Variants in CDC14B observed in about 807,000 individuals in gnomAD.
The protein encoded by CDC14B is dual specificity protein phosphatase CDC14B.
CDC14B carries 22 observed loss-of-function variants against 64.2 expected under a neutral mutation model. The ratio of observed to expected loss-of-function variants is 0.34; its 90% CI spans 0.24 to 0.49. The LOEUF is 0.49. Among genes scored for constraint, CDC14B ranks in the 20% least tolerant of loss-of-function variants. The pLI, the probability that CDC14B is intolerant of heterozygous loss-of-function variation, is 0.99. For missense variants in CDC14B, 498 were observed against 629.9 expected (o/e 0.79, Z 2.24); for synonymous variants, 191 against 215.8 (o/e 0.89, Z 1.01).
intron 1 of CDC14B, among the ~76,000 whole-genome samples, chr9:96,594,940 C>T (rs956423923): frequency 2.6e-5 from 4 of 152,036 alleles, no homozygotes; most frequent in Non-Finnish European, 5.9e-5. Flanking sequence ...ATCACGAGGT[C>T]AAGAGACAGA....
chr9:96,510,567 G>A (rs1281565692), intron 12 of CDC14B, among the ~76,000 whole-genome samples: 1 of 151,622 alleles, frequency 6.6e-6, no homozygotes, highest in Non-Finnish European at 1.5e-5. Context: ...AATTGTTATA[G>A]GGAAAACAGC....
intron 1 of CDC14B, among the ~76,000 whole-genome samples, chr9:96,588,527 C>T (rs929197737): frequency 1.3e-5 from 2 of 152,184 alleles, no homozygotes; most frequent in African/African-American, 4.8e-5. Context: ...TCATCTGTCG[C>T]CCAGGCTGGA....
chr9:96,615,154 T>C (rs1192719359), intron 1 of CDC14B, among the ~76,000 whole-genome samples: 1 of 152,194 alleles, frequency 6.6e-6, no homozygotes, highest in Non-Finnish European at 1.5e-5. Context: ...ACTGTCTTTA[T>C]GACCTTTTGT....
intron 12 of CDC14B, among the ~76,000 whole-genome samples, chr9:96,517,512 C>T (rs1483182230): frequency 1.1e-4 from 17 of 149,574 alleles, no homozygotes; most frequent in Non-Finnish European, 1.5e-4. Context: ...ATTAGCCGGG[C>T]GTGGTGGCAG....
At chr9:96,514,716 G>C (rs1835384851) in intron 12 of CDC14B, 1 of 985,452 alleles carries the variant, frequency 1.0e-6, no homozygotes, top group Non-Finnish European at 1.2e-6. Flanking sequence ...TAAGGAAAAA[G>C]CTTCAGAGAA....
chr9:96,551,766 C>T, intron 5 of CDC14B, 30 bp downstream of exon 5: 1 of 1,597,700 alleles, frequency 6.3e-7, no homozygotes. Flanking sequence ...ATCTGATTAC[C>T]TGAATCTACC....
chr9:96,553,948 G>A (rs10122715), intron 4 of CDC14B, among the ~76,000 whole-genome samples: 6,575 of 152,042 alleles, frequency 0.043, 442 homozygotes, highest in African/African-American at 0.15. Context: ...GGCAGATCAC[G>A]AGGTCAGGAG....
intron 5 of CDC14B, among the ~76,000 whole-genome samples, chr9:96,551,106 G>A (rs1240416138): frequency 2.5e-5 from 2 of 79,568 alleles, no homozygotes; most frequent in African/African-American, 7.9e-5. Context: ...AGGTTTTGGG[G>A]TTTGCTTTTT....
At chr9:96,498,409 G>A (rs1019112134), downstream of CDC14B, among the ~76,000 whole-genome samples, 22 of 152,216 alleles carry the variant, frequency 1.4e-4, no homozygotes, top group Non-Finnish European at 2.1e-4. Context: ...CACTTTCCAC[G>A]GCAACTTGTA....
At chr9:96,497,286 A>G (rs1311293851), downstream of CDC14B, among the ~76,000 whole-genome samples, 2 of 151,472 alleles carry the variant, frequency 1.3e-5, no homozygotes, top group Admixed American at 6.6e-5. Flanking sequence ...GCGGGGTTAG[A>G]GGCGGGGAGG....
In CDC14B at chr9:96,509,723, GC is replaced by G; in HGVS notation, c.1409del (p.Gly470AlafsTer31). On this transcript the variant is annotated frameshift_variant, in exon 13 of 14. Coordinates refer to ENST00000375241, the MANE Select transcript of CDC14B (RefSeq NM_033331.4). LOFTEE classifies it high-confidence loss of function. ...TSEPNISGSA[G>X]ITKRTTRSAS... ...CAGATCTGGTGGTTCTTTTAGTAAT[GC>G]CTGCACTGCCAGAAATGTTAGGTTC... is the stretch of plus-strand genomic sequence containing the variant. 6.2e-7 allele frequency: 1 copy of G among 1,612,942 alleles called. No individual in the cohort carries two copies. Among genetic ancestry groups the G allele is most frequent in the Non-Finnish European group, 8.5e-7 (1 of 1,179,018 alleles).
At chr9:96,541,713 T>A (rs983985693) in intron 6 of CDC14B, 113 bp downstream of exon 6, 14 of 601,222 alleles carry the variant, frequency 2.3e-5, no homozygotes, top group Non-Finnish European at 3.4e-5. Flanking sequence ...TCTGTCACCA[T>A]AGGCATCTTG....
intron 1 of CDC14B, among the ~76,000 whole-genome samples, chr9:96,578,682 A>T (rs1467396668): frequency 2.0e-5 from 3 of 152,258 alleles, no homozygotes; most frequent in South Asian, 2.1e-4. Flanking sequence ...AGAAACTTTC[A>T]CAGACCTTAG....
At chr9:96,526,284 C>T (rs368787863) in intron 9 of CDC14B, among the ~76,000 whole-genome samples, 2 of 152,162 alleles carry the variant, frequency 1.3e-5, no homozygotes, top group East Asian at 1.9e-4. Flanking sequence ...AGGAGAATGG[C>T]GTGAACCCGG....
intron 4 of CDC14B, among the ~76,000 whole-genome samples, chr9:96,557,513 A>G (rs1564331105): frequency 3.9e-5 from 6 of 152,206 alleles, no homozygotes; most frequent in Admixed American, 3.9e-4. Context: ...TCTGAGTCCA[A>G]GATAATTAAA....
intron 1 of CDC14B, among the ~76,000 whole-genome samples, chr9:96,581,801 G>A (rs995417697): frequency 2.0e-5 from 3 of 152,138 alleles, no homozygotes; most frequent in Non-Finnish European, 4.4e-5. Flanking sequence ...TCCCTGTTCA[G>A]TGTGGTCAAA....
intron 8 of CDC14B, 82 bp downstream of exon 8, chr9:96,534,373 G>T: frequency 9.8e-7 from 1 of 1,016,844 alleles, no homozygotes; most frequent in Non-Finnish European, 1.5e-6. Context: ...ACTTGGTCAA[G>T]CTTGGTGTAA....
intron 9 of CDC14B, among the ~76,000 whole-genome samples, chr9:96,530,723 C>G (rs1353308543): frequency 1.3e-5 from 2 of 151,692 alleles, no homozygotes; most frequent in Admixed American, 1.3e-4. Flanking sequence ...GCCACAAAAC[C>G]AAGCCTCCTT....
intron 13 of CDC14B, among the ~76,000 whole-genome samples, chr9:96,508,295 C>T (rs10991399): frequency 0.15 from 22,107 of 152,150 alleles, 1,704 homozygotes; most frequent in Non-Finnish European, 0.18. Context: ...GGATTACAGG[C>T]GCGAGCCACC....
Sources: allele counts gnomAD v4.1 joint callset (sites outside exome capture counted in the v4.1 genomes callset), GRCh38; gene constraint gnomAD v4.1.1; transcripts MANE v1.5; gene names NCBI Gene and HGNC (gene_info 2026-07-23, HGNC 2026-07-21).